Variants in IARS1 observed in about 807,000 individuals in gnomAD.
IARS1 encodes the protein isoleucine--tRNA ligase, cytoplasmic.
In IARS1, 124 loss-of-function variants were observed where a neutral mutation model predicts 168.2. That is an observed-to-expected ratio of 0.74 (90% CI 0.64 to 0.86). The LOEUF is 0.86. IARS1 is among the 40% of genes least tolerant of loss of function. The pLI, the probability that IARS1 is intolerant of heterozygous loss-of-function variation, is 0.00. For missense variants in IARS1, 1,452 were observed against 1,515.8 expected (o/e 0.96, Z 0.70); for synonymous variants, 532 against 529.4 (o/e 1.00, Z -0.07).
At chr9:92,254,163 C>T (rs1293508738) in intron 20 of IARS1, among the ~76,000 whole-genome samples, 1 of 152,144 alleles carries the variant, frequency 6.6e-6, no homozygotes, top group African/African-American at 2.4e-5. Context: ...AACATTAAAA[C>T]AGTCGAGTAA....
chr9:92,244,900 T>C, intron 27 of IARS1, 59 bp downstream of exon 27: 2 of 1,372,972 alleles, frequency 1.5e-6, no homozygotes, highest in East Asian at 4.6e-5. Context: ...AGGCAAATAC[T>C]TTCTCCTCTT....
Position 92,267,369 on chromosome 9 carries a change from C to T in IARS1, c.1431+805G>A, listed in dbSNP as rs139984927. 3.3e-5 allele frequency among the ~76,000 whole-genome samples: 5 copies of T among 152,318 alleles called. No individual in the cohort carries two copies. In the East Asian group the frequency reaches 9.6e-4, roughly 29 times the overall value. The stretch of plus-strand genomic sequence containing the variant: ...GTCCCTATGGGAGATTCACCAAGGT[C>T]CCCAGGGTGCTGCCGCTCATCACTG... On this transcript the variant is annotated intron_variant, in intron 14 of 33. Coordinates refer to ENST00000443024, the MANE Select transcript of IARS1 (RefSeq NM_002161.6).
chr9:92,252,256 A>C (rs1262538811), intron 21 of IARS1: 4 of 434,196 alleles, frequency 9.2e-6, no homozygotes, highest in Non-Finnish European at 1.8e-5. Context: ...TTTAAATAAG[A>C]TTTATGTTAA....
At chr9:92,269,806 A>T (rs1378787110) in intron 13 of IARS1, 79 bp downstream of exon 13, 3 of 928,120 alleles carry the variant, frequency 3.2e-6, no homozygotes, top group Admixed American at 3.6e-5. Flanking sequence ...TATTAAAATT[A>T]TAACTTGGGG....
intron 10 of IARS1, among the ~76,000 whole-genome samples, chr9:92,273,140 A>G (rs565141247): frequency 2.8e-4 from 43 of 151,760 alleles, no homozygotes; most frequent in Non-Finnish European, 5.2e-4. Context: ...CTCAAAAAAA[A>G]AAAAAAAAAC....
At chr9:92,211,415 T>G (rs1837742504) in intron 33 of IARS1, among the ~76,000 whole-genome samples, 1 of 152,168 alleles carries the variant, frequency 6.6e-6, no homozygotes. Flanking sequence ...ATTCAAACCA[T>G]GAGTGTAATA....
At chr9:92,233,810 G>A (rs1282758500) in intron 30 of IARS1, among the ~76,000 whole-genome samples, 1 of 152,160 alleles carries the variant, frequency 6.6e-6, no homozygotes, top group African/African-American at 2.4e-5. Flanking sequence ...GGCCCAGGCT[G>A]GAGTATAGTG....
At chr9:92,265,383 G>A (rs757593407) in intron 15 of IARS1, 97 bp downstream of exon 15, 1 of 1,123,564 alleles carries the variant, frequency 8.9e-7, no homozygotes, top group Non-Finnish European at 1.3e-6. Context: ...AATTCAGCAA[G>A]CTAGTCACTT....
chr9:92,242,056 C>G, intron 29 of IARS1, 98 bp downstream of exon 29: 1 of 894,284 alleles, frequency 1.1e-6, no homozygotes, highest in Non-Finnish European at 1.8e-6. Context: ...AGTGCTGTGC[C>G]GATCTCTACT....
intron 22 of IARS1, 77 bp downstream of exon 22, chr9:92,251,731 T>C (rs992923060): frequency 5.3e-6 from 5 of 935,936 alleles, no homozygotes; most frequent in Non-Finnish European, 8.7e-6. Flanking sequence ...TGGATATAAA[T>C]GGAGGATGCT....
At chr9:92,242,477 A>G in intron 28 of IARS1, 147 bp from the exon 29 acceptor site, 2 of 620,600 alleles carry the variant, frequency 3.2e-6, no homozygotes. Context: ...GGTGATCCGT[A>G]AGACTAACTG....
intron 33 of IARS1, among the ~76,000 whole-genome samples, chr9:92,221,016 C>T (rs1839594891): frequency 6.6e-6 from 1 of 152,018 alleles, no homozygotes; most frequent in African/African-American, 2.4e-5. Context: ...CAGAAATAAA[C>T]ACTGCCTTAT....
intron 13 of IARS1, 117 bp downstream of exon 13, chr9:92,269,768 C>A: frequency 1.6e-6 from 1 of 641,136 alleles, no homozygotes; most frequent in Non-Finnish European, 2.8e-6. Context: ...GAAAAGATAG[C>A]TATTACAATA....
At chr9:92,225,497 A>G (rs1564158032) in intron 31 of IARS1, among the ~76,000 whole-genome samples, 1 of 152,172 alleles carries the variant, frequency 6.6e-6, no homozygotes. Context: ...CCAAAGAAGG[A>G]TAAGGTAACT....
chr9:92,248,869 A>G (rs1346402142), intron 25 of IARS1, among the ~76,000 whole-genome samples: 1 of 152,134 alleles, frequency 6.6e-6, no homozygotes, highest in East Asian at 1.9e-4. Flanking sequence ...TTTGTTTTCT[A>G]TCATCACAAA....
intron 17 of IARS1, 112 bp downstream of exon 17, chr9:92,262,857 T>C (rs1029483860): frequency 1.4e-6 from 1 of 732,382 alleles, no homozygotes; most frequent in African/African-American, 1.7e-5. Flanking sequence ...TGAGAAACAG[T>C]GGAGACAAAG....
chr9:92,212,756 G>C (rs997726387), intron 33 of IARS1, among the ~76,000 whole-genome samples: 2 of 152,196 alleles, frequency 1.3e-5, no homozygotes, highest in African/African-American at 4.8e-5. Context: ...GTTCGAGGGA[G>C]AGTGAAAAAA....
At chr9:92,235,463 A>G (rs144444940) in intron 30 of IARS1, among the ~76,000 whole-genome samples, 209 of 151,586 alleles carry the variant, frequency 1.4e-3, no homozygotes, top group African/African-American at 4.6e-3. Flanking sequence ...TTATGAATCA[A>G]CTGCTATACT....
At chr9:92,224,996 C>T (rs1474549846) in intron 31 of IARS1, among the ~76,000 whole-genome samples, 1 of 152,112 alleles carries the variant, frequency 6.6e-6, no homozygotes, top group Admixed American at 6.5e-5. Flanking sequence ...CTCCCTAAGG[C>T]TGATTTTGCT....
Sources: allele counts gnomAD v4.1 joint callset (sites outside exome capture counted in the v4.1 genomes callset), GRCh38; gene constraint gnomAD v4.1.1; transcripts MANE v1.5; gene names NCBI Gene and HGNC (gene_info 2026-07-23, HGNC 2026-07-21).